The following PHACTR3 variants were observed in gnomAD, a reference collection of about 807,000 sequenced individuals.
PHACTR3 encodes protein phosphatase 1, regulatory subunit 123.
PHACTR3 carries 16 observed loss-of-function variants against 66.8 expected under a neutral mutation model. The observed-to-expected ratio is 0.24, with a 90% CI of 0.16 to 0.36. The LOEUF (loss-of-function observed/expected upper bound fraction) is 0.36. Ranked by LOEUF, PHACTR3 falls within the 10% of genes least tolerant of loss-of-function variation. PHACTR3 has a pLI of 1.00. For missense variants in PHACTR3, 647 were observed against 719.9 expected, an observed-to-expected ratio of 0.90 and a Z score of 1.16; for synonymous variants, 323 against 292.1, an observed-to-expected ratio of 1.11 and a Z score of -1.08.
intron 1 of PHACTR3, among the ~76,000 whole-genome samples, chr20:59,739,376 C>T (rs535565592): frequency 3.9e-4 from 60 of 151,980 alleles, no homozygotes; most frequent in African/African-American, 1.3e-3. Context: ...AAAGTGCCCC[C>T]GATAAAACAA....
intron 3 of PHACTR3, among the ~76,000 whole-genome samples, chr20:59,750,999 G>C (rs548792551): frequency 9.9e-5 from 15 of 152,232 alleles, no homozygotes. Flanking sequence ...TCCTCCTGGT[G>C]CTGGGTCACC....
chr20:59,752,059 G>A (rs2039613566), intron 3 of PHACTR3, among the ~76,000 whole-genome samples: 1 of 152,206 alleles, frequency 6.6e-6, no homozygotes, highest in South Asian at 2.1e-4. Flanking sequence ...AAAGAAGAGA[G>A]TTTATTACTC....
At chr20:59,836,357 G>C in intron 8 of PHACTR3, 148 bp from the exon 9 acceptor site, 1 of 632,106 alleles carries the variant, frequency 1.6e-6, no homozygotes, top group Non-Finnish European at 2.6e-6. Flanking sequence ...CCAGCAAGAG[G>C]CAACAACCAA....
chr20:59,778,274 C>T lies in PHACTR3; in HGVS notation c.1174+3784C>T, dbSNP rs546710797. ...ATGTCACCTCTTGCTCAAATCCCTC[C>T]AGTGGCTCCCTGAGGCACTGAATGC... On this transcript the variant is annotated intron_variant, in intron 7 of 12. Transcript: ENST00000371015. Among the ~76,000 whole-genome samples, 6 of 152,320 alleles carry T rather than the reference C, an allele frequency of 3.9e-5. No individual in the cohort carries two copies. The South Asian group carries it at 1.2e-3, about 32-fold the overall frequency.
intron 5 of PHACTR3, among the ~76,000 whole-genome samples, chr20:59,771,829 A>G (rs2040371645): frequency 6.6e-6 from 1 of 152,236 alleles, no homozygotes; most frequent in Non-Finnish European, 1.5e-5. Context: ...GTTTTGAGGA[A>G]TACTTTTTAT....
At chr20:59,676,630 C>A in intron 1 of PHACTR3, 1 of 924,238 alleles carries the variant, frequency 1.1e-6, no homozygotes, top group Non-Finnish European at 1.3e-6. Context: ...AGTGAGAGTG[C>A]CAGGGCTGTG....
At chr20:59,778,201 T>C (rs2040601608) in intron 7 of PHACTR3, among the ~76,000 whole-genome samples, 1 of 152,170 alleles carries the variant, frequency 6.6e-6, no homozygotes, top group South Asian at 2.1e-4. Context: ...TTCTAGTTCA[T>C]TCTCCACACA....
intron 1 of PHACTR3, among the ~76,000 whole-genome samples, chr20:59,594,418 G>A (rs552030801): frequency 6.6e-6 from 1 of 151,522 alleles, no homozygotes; most frequent in African/African-American, 2.4e-5. Context: ...CCTAATCTAG[G>A]TACTTTTTAT....
intron 1 of PHACTR3, among the ~76,000 whole-genome samples, chr20:59,588,025 C>T (rs2033085551): frequency 6.6e-6 from 1 of 152,194 alleles, no homozygotes. Flanking sequence ...GCTGCAAAGG[C>T]CTTCACATTG....
At chr20:59,596,970 G>T (rs1213488025) in intron 1 of PHACTR3, among the ~76,000 whole-genome samples, 2 of 152,246 alleles carry the variant, frequency 1.3e-5, no homozygotes, top group African/African-American at 2.4e-5. Context: ...TGCAGACTGG[G>T]CCAAGCCATC....
chr20:59,611,091 T>TC (rs2033830343), intron 1 of PHACTR3, among the ~76,000 whole-genome samples: 1 of 152,242 alleles, frequency 6.6e-6, no homozygotes, highest in Admixed American at 6.5e-5. Flanking sequence ...AATAAATGTG[T>TC]CCAAGTCCTG....
intron 8 of PHACTR3, among the ~76,000 whole-genome samples, chr20:59,813,067 G>C (rs1224931030): frequency 2.0e-5 from 3 of 152,214 alleles, no homozygotes; most frequent in African/African-American, 7.2e-5. Flanking sequence ...CCAGTTTCCG[G>C]TGAATGTTTG....
At chr20:59,711,392 A>C (rs902336037) in intron 1 of PHACTR3, among the ~76,000 whole-genome samples, 1 of 152,154 alleles carries the variant, frequency 6.6e-6, no homozygotes, top group Non-Finnish European at 1.5e-5. Flanking sequence ...TTTCACTCCC[A>C]TATGTACTGT....
At chr20:59,719,239 C>T (rs1037521999) in intron 1 of PHACTR3, among the ~76,000 whole-genome samples, 26 of 152,246 alleles carry the variant, frequency 1.7e-4, no homozygotes, top group African/African-American at 6.0e-4. Context: ...GATCTCAGCT[C>T]ACTATAACTT....
intron 1 of PHACTR3, among the ~76,000 whole-genome samples, chr20:59,661,212 A>G (rs1450039624): frequency 6.6e-6 from 1 of 152,232 alleles, no homozygotes. Flanking sequence ...TTTGAGTAAG[A>G]GAAAGCACTT....
At chr20:59,605,218 C>A in intron 1 of PHACTR3, 86 bp downstream of exon 1, 2 of 973,938 alleles carry the variant, frequency 2.1e-6, no homozygotes, top group Non-Finnish European at 1.3e-6. Context: ...GGCTCCGCGC[C>A]CCGCCTGCAT....
intron 4 of PHACTR3, among the ~76,000 whole-genome samples, chr20:59,762,426 A>G (rs1317550614): frequency 6.6e-6 from 1 of 152,244 alleles, no homozygotes; most frequent in African/African-American, 2.4e-5. Flanking sequence ...GTTTGAAATA[A>G]TTAAAATTTA....
At chr20:59,593,891 C>T (rs1451761085) in intron 1 of PHACTR3, among the ~76,000 whole-genome samples, 2 of 152,178 alleles carry the variant, frequency 1.3e-5, no homozygotes, top group Non-Finnish European at 2.9e-5. Flanking sequence ...ATCACACTGT[C>T]TTGATTAATG....
chr20:59,610,750 G>A (rs2033821754), intron 1 of PHACTR3, among the ~76,000 whole-genome samples: 1 of 152,194 alleles, frequency 6.6e-6, no homozygotes, highest in African/African-American at 2.4e-5. Context: ...GGCCTTGCCT[G>A]TGGTCCTTTT....
Sources: gnomAD v4.1 joint callset for allele counts (sites outside exome capture counted in the v4.1 genomes callset) on GRCh38, gnomAD v4.1.1 for gene constraint, MANE v1.5 for transcripts, NCBI Gene and HGNC (gene_info 2026-07-23, HGNC 2026-07-21) for gene names.